Variants in TTC28 observed in about 807,000 individuals in gnomAD.
TTC28 encodes the protein tetratricopeptide repeat protein 28.
In TTC28, 61 loss-of-function variants were observed where a neutral mutation model predicts 198.0. That is an observed-to-expected ratio of 0.31 (90% confidence interval 0.25 to 0.38). The LOEUF (loss-of-function observed/expected upper bound fraction) is 0.38. TTC28 is among the 10% of genes least tolerant of loss of function. The probability of loss-of-function intolerance (pLI) is 1.00; values close to 1 mark genes in which losing one functional copy is unlikely to be tolerated. For missense variants in TTC28, 2,678 were observed against 3,164.0 expected, an observed-to-expected ratio of 0.85 and a Z score of 3.69; for synonymous variants, 1,171 against 1,297.8, an observed-to-expected ratio of 0.90 and a Z score of 2.10.
At chr22:28,026,348 C>T (rs1938834708) in intron 13 of TTC28, among the ~76,000 whole-genome samples, 1 of 152,146 alleles carries the variant, frequency 6.6e-6, no homozygotes, top group Non-Finnish European at 1.5e-5. Context: ...GGGTGGGGAA[C>T]CAGTAAGGTG....
intron 12 of TTC28, among the ~76,000 whole-genome samples, chr22:28,037,255 G>A (rs1012259283): frequency 3.3e-5 from 5 of 152,196 alleles, no homozygotes; most frequent in Admixed American, 2.0e-4. Context: ...GACCATCGAC[G>A]CAAAAATCCT....
chr22:28,251,626 T>C (rs1930516910), intron 5 of TTC28, among the ~76,000 whole-genome samples: 1 of 152,220 alleles, frequency 6.6e-6, no homozygotes, highest in South Asian at 2.1e-4. Context: ...GGCATATGAT[T>C]AGTAATTAAT....
chr22:28,596,248 T>A (rs1417171494), intron 2 of TTC28, among the ~76,000 whole-genome samples: 1 of 151,496 alleles, frequency 6.6e-6, no homozygotes. Context: ...GGGGAAGAAA[T>A]GCAAATATTA....
At chr22:28,060,827 A>G (rs1051472137) in intron 12 of TTC28, among the ~76,000 whole-genome samples, 2 of 151,416 alleles carry the variant, frequency 1.3e-5, no homozygotes, top group African/African-American at 4.8e-5. Context: ...TGTTGTTTAC[A>G]GTACACCAAC....
chr22:28,108,389 T>A lies in TTC28; in HGVS notation c.1456A>T (p.Met486Leu). 6.9e-7 allele frequency: 1 copy of A among 1,450,260 alleles called. No individual in the cohort carries two copies. Among genetic ancestry groups the A allele is most frequent in the Non-Finnish European group, 9.1e-7 (1 of 1,096,688 alleles). The allele number at this position is 1,450,260 out of a possible 1,614,324, so 89.8% of individuals were successfully genotyped here. Reference protein sequence around the residue: ...ASSNLGIIHQMKGDYDTALKL... With the variant: ...ASSNLGIIHQLKGDYDTALKL... ...AGTGCAGTGTCATAATCACCTTTCATCTGGTGTATGATTCCTGAGAAAGAG... is the reference window on the plus strand; with the variant it reads ...AGTGCAGTGTCATAATCACCTTTCAACTGGTGTATGATTCCTGAGAAAGAG... The change falls in exon 7 of 23, where the codon ATG (methionine) becomes TTG (leucine). Residue 486 changes from methionine to leucine, a missense_variant. Transcript: ENST00000397906.
chr22:28,576,690 A>G (rs918039722), intron 2 of TTC28, among the ~76,000 whole-genome samples: 1 of 151,896 alleles, frequency 6.6e-6, no homozygotes, highest in Non-Finnish European at 1.5e-5. Context: ...CAGGTTTTCA[A>G]TTTCTTCATG....
chr22:28,063,804 A>G (rs1940644205), intron 12 of TTC28, among the ~76,000 whole-genome samples: 1 of 152,064 alleles, frequency 6.6e-6, no homozygotes, highest in African/African-American at 2.4e-5. Flanking sequence ...TGAAGATATT[A>G]TCCCAAGCAA....
intron 2 of TTC28, among the ~76,000 whole-genome samples, chr22:28,472,139 T>C (rs1297282905): frequency 6.6e-6 from 1 of 152,194 alleles, no homozygotes; most frequent in East Asian, 1.9e-4. Context: ...AGAGCATCTA[T>C]TTGTATCTAT....
intron 12 of TTC28, among the ~76,000 whole-genome samples, chr22:28,064,326 A>G (rs1479414621): frequency 6.6e-6 from 1 of 152,118 alleles, no homozygotes. Flanking sequence ...GAAAAGGATG[A>G]CTTCAGGTTT....
At chr22:28,555,934 C>G (rs2049778288) in intron 2 of TTC28, among the ~76,000 whole-genome samples, 1 of 152,052 alleles carries the variant, frequency 6.6e-6, no homozygotes, top group Non-Finnish European at 1.5e-5. Context: ...CATTTATCCA[C>G]ATGTTTACTA....
intron 2 of TTC28, among the ~76,000 whole-genome samples, chr22:28,335,850 C>A (rs2045706697): frequency 1.3e-5 from 2 of 152,140 alleles, no homozygotes; most frequent in Admixed American, 6.5e-5. Context: ...TGCCTGATTG[C>A]CCTGGCCAGA....
At chr22:28,248,691 C>A (rs930636148) in intron 5 of TTC28, among the ~76,000 whole-genome samples, 4 of 152,114 alleles carry the variant, frequency 2.6e-5, no homozygotes, top group Middle Eastern at 3.2e-3. Context: ...CCCAAAATAT[C>A]TTGTAAAACT....
At chr22:28,295,755 A>G (rs926199273) in intron 5 of TTC28, among the ~76,000 whole-genome samples, 3 of 152,220 alleles carry the variant, frequency 2.0e-5, no homozygotes, top group Non-Finnish European at 2.9e-5. Flanking sequence ...TATGATTCAG[A>G]TATCTCAATC....
intron 5 of TTC28, among the ~76,000 whole-genome samples, chr22:28,228,615 G>C (rs112493468): frequency 9.9e-5 from 15 of 151,838 alleles, no homozygotes; most frequent in Non-Finnish European, 1.8e-4. Context: ...CAGGAGAATC[G>C]CTAGAACCCG....
chr22:28,118,063 T>A (rs1942680782), intron 6 of TTC28, among the ~76,000 whole-genome samples: 1 of 152,170 alleles, frequency 6.6e-6, no homozygotes, highest in African/African-American at 2.4e-5. Flanking sequence ...TATAATTATA[T>A]ACAACTACTA....
At chr22:28,407,682 T>C (rs540257895) in intron 2 of TTC28, among the ~76,000 whole-genome samples, 16 of 152,326 alleles carry the variant, frequency 1.1e-4, no homozygotes, top group Admixed American at 2.0e-4. Context: ...CAAGTGACAA[T>C]AACATTTAGT....
rs540198583 is a variant in TTC28 at position 28,315,687 on chromosome 22, T to A, written c.382-9044A>T. Among the ~76,000 whole-genome samples, 157 of 152,304 alleles carry A rather than the reference T, an allele frequency of 1.0e-3. 6 individuals carry two copies. In the South Asian group the frequency reaches 0.031, roughly 30 times the overall value. On this transcript the variant is annotated intron_variant, in intron 2 of 22. Transcript: ENST00000397906. ...TTTCCACCTTTGTAAAAAAATCAGT[T>A]GTTCATAGTTGTGTGGGTCTATTCC...
intron 3 of TTC28, 136 bp downstream of exon 3, chr22:28,306,360 C>T: frequency 9.5e-7 from 1 of 1,051,202 alleles, no homozygotes. Context: ...GATTCTTGAT[C>T]TTCCTTGGTC....
intron 6 of TTC28, among the ~76,000 whole-genome samples, chr22:28,153,911 A>G (rs1480306811): frequency 6.6e-6 from 1 of 152,214 alleles, no homozygotes; most frequent in Non-Finnish European, 1.5e-5. Flanking sequence ...ACCCAATACT[A>G]GAGGCGATCA....
Sources: allele counts gnomAD v4.1 joint callset (sites outside exome capture counted in the v4.1 genomes callset), GRCh38; gene constraint gnomAD v4.1.1; transcripts MANE v1.5; gene names NCBI Gene and HGNC (gene_info 2026-07-23, HGNC 2026-07-21).